CAV2: variants seen among roughly 807,000 people sequenced by gnomAD.
CAV2 encodes caveolin 2.
Under a neutral mutation model 15.5 loss-of-function variants are expected in CAV2, and 7 were observed. The ratio of observed to expected loss-of-function variants is 0.45; its 90% confidence interval spans 0.26 to 0.85. The LOEUF (loss-of-function observed/expected upper bound fraction) is 0.85, where lower values mean the gene tolerates loss of function less well. CAV2 is among the 40% of genes least tolerant of loss of function. The pLI is 0.18. For synonymous variants in CAV2, 76 were observed against 83.1 expected, an observed-to-expected ratio of 0.91 and a Z score of 0.46; for missense variants, 229 against 208.8, an observed-to-expected ratio of 1.10 and a Z score of -0.60.
In CAV2 at chr7:116,506,189, C is replaced by T. The variant is rs879584531; in HGVS notation, c.*68C>T. The T allele has an allele frequency of 1.4e-6, 2 of 1,475,296 alleles. No homozygotes were observed. Among genetic ancestry groups the T allele is most frequent in the Admixed American group, 1.8e-5 (1 of 56,778 alleles). 91.4% of individuals were successfully genotyped at this position (1,475,296 alleles called of 1,614,324 possible). ...TCTTTGTTATTATAACATAAAAGCA[C>T]CACTGTTCTGTTCATTTCCTAGCTG... On this transcript the variant is annotated 3_prime_UTR_variant, in exon 3 of 3. Transcript: ENST00000222693.
chr7:116,499,786 G>A lies in CAV2; in HGVS notation c.5G>A (p.Gly2Glu). 6.4e-7 allele frequency: 1 copy of A among 1,568,730 alleles called. No homozygotes were observed. The highest frequency in any genetic ancestry group is 8.6e-7 in the Non-Finnish European group (1 of 1,159,302). Reference protein sequence around the residue: MGLETEKADVQL... With the variant: MELETEKADVQL... ...CGGCCGCGCACCAAGGCTGCGATGGGGCTGGAGACGGAGAAGGCGGACGTA... is the reference window on the plus strand; with the variant it reads ...CGGCCGCGCACCAAGGCTGCGATGGAGCTGGAGACGGAGAAGGCGGACGTA... The change falls in exon 1 of 3, where the codon GGG becomes GAG. Residue 2 changes from glycine to glutamate, a missense_variant. Physicochemically the swap from Gly to Glu is moderately conservative, Grantham distance 98. Coordinates refer to ENST00000222693, the MANE Select transcript of CAV2 (RefSeq NM_001233.5).
intron 2 of CAV2, among the ~76,000 whole-genome samples, chr7:116,503,886 AGAGGGAGGGAGG>A (rs149766029): frequency 0.026 from 1,829 of 71,402 alleles, 95 homozygotes; most frequent in Middle Eastern, 0.08. Flanking sequence ...AGAAAGAAAG[AGAGGGAGGGAGG>A]GAGGGAGGGA....
chr7:116,508,164 A>G lies in CAV2; in HGVS notation c.*2043A>G, dbSNP rs1410393239. The G allele has an allele frequency of 6.6e-6, 1 of 152,222 alleles. No homozygotes were observed. The allele number at this position is 152,222 out of a possible 1,614,324, so 9.4% of individuals were successfully genotyped here. A position where few individuals can be genotyped will look rare whatever the true frequency, so the allele number is the denominator to read the frequency against. ...ACTTTATAGTTATGTCTTGTATTTA[A>G]AAACATTTTTTATACATTTGGTTAT... is the stretch of plus-strand genomic sequence containing the variant. On this transcript the variant is annotated 3_prime_UTR_variant, in exon 3 of 3. Coordinates refer to ENST00000222693, the MANE Select transcript of CAV2 (RefSeq NM_001233.5).
Position 116,507,277 on chromosome 7 carries a change from T to G in CAV2, c.*1156T>G, listed in dbSNP as rs1793259200. 6.6e-6 allele frequency: 1 copy of G among 152,256 alleles called. No homozygotes were observed. Among genetic ancestry groups the G allele is most frequent in the Non-Finnish European group, 1.5e-5 (1 of 68,034 alleles). The allele number at this position is 152,256 out of a possible 1,614,324, so 9.4% of individuals were successfully genotyped here. ...AACTAACAGCTACAAACTTTTAAGATTTCTCTAATATTGGTATGTAACACA... is the reference window on the plus strand; with the variant it reads ...AACTAACAGCTACAAACTTTTAAGAGTTCTCTAATATTGGTATGTAACACA... On this transcript the variant is annotated 3_prime_UTR_variant, in exon 3 of 3. Coordinates refer to ENST00000222693, the MANE Select transcript of CAV2 (RefSeq NM_001233.5).
chr7:116,503,923 A>AAGGGAGGG (rs869037328), intron 2 of CAV2, among the ~76,000 whole-genome samples: 39 of 53,304 alleles, frequency 7.3e-4, no homozygotes, highest in African/African-American at 3.1e-3. Context: ...GGAAGGAAGG[A>AAGGGAGGG]AGGGAGGGAG....
chr7:116,500,702 T>C, intron 2 of CAV2: 1 of 456,082 alleles, frequency 2.2e-6, no homozygotes, highest in Non-Finnish European at 3.9e-6. Flanking sequence ...TACATAAGGC[T>C]GGGCTGAGTG....
intron 2 of CAV2, among the ~76,000 whole-genome samples, chr7:116,501,982 G>T (rs1323907303): frequency 2.6e-5 from 4 of 152,102 alleles, no homozygotes; most frequent in Admixed American, 6.6e-5. Context: ...TAAGATTTGG[G>T]ATTCCCAATT....
intron 2 of CAV2, among the ~76,000 whole-genome samples, chr7:116,502,893 G>A (rs551840956): frequency 1.3e-5 from 2 of 152,100 alleles, no homozygotes; most frequent in Non-Finnish European, 2.9e-5. Flanking sequence ...CAGGTTATTG[G>A]TCATAAGTGG....
rs1003702324 is a variant in CAV2 at position 116,508,287 on chromosome 7, A to G, written c.*2166A>G. 1.3e-5 allele frequency: 2 copies of G among 152,228 alleles called. No individual in the cohort carries two copies. The highest frequency in any genetic ancestry group is 4.8e-5 in the African/African-American group (2 of 41,462). The allele number at this position is 152,228 out of a possible 1,614,324, so 9.4% of individuals were successfully genotyped here. A position where few individuals can be genotyped will look rare whatever the true frequency, so the allele number is the denominator to read the frequency against. On this transcript the variant is annotated 3_prime_UTR_variant, in exon 3 of 3. Coordinates refer to ENST00000222693, the MANE Select transcript of CAV2 (RefSeq NM_001233.5). ...TATTGGCAAGTTTTAAACCCAAAATATATACACATAGTTCTGTAATAAAAC... is the reference window on the plus strand; with the variant it reads ...TATTGGCAAGTTTTAAACCCAAAATGTATACACATAGTTCTGTAATAAAAC...
Position 116,500,433 on chromosome 7 carries a change from C to G in CAV2, c.324C>G (p.Ser108Arg), listed in dbSNP as rs1209006000. 2 of 1,613,234 alleles carry G rather than the reference C, an allele frequency of 1.2e-6. No homozygotes were observed. The highest frequency in any genetic ancestry group is 3.3e-5 in the Admixed American group (2 of 59,988). The change falls in exon 2 of 3, where the codon AGC becomes AGG. Residue 108 changes from serine to arginine, a missense_variant. By Grantham distance (110) the Ser-to-Arg change is moderately radical. Transcript: ENST00000222693. ...CGGGAATTCTCTTTGCCACCCTCAGCTGTCTGCACATCTGGTGAGACGGGG... is the reference window on the plus strand; with the variant it reads ...CGGGAATTCTCTTTGCCACCCTCAGGTGTCTGCACATCTGGTGAGACGGGG... Reference protein sequence around the residue: ...FIAGILFATLSCLHIWILMPF... With the variant: ...FIAGILFATLRCLHIWILMPF...
At chr7:116,502,281 T>C (rs1054206592) in intron 2 of CAV2, among the ~76,000 whole-genome samples, 4 of 152,232 alleles carry the variant, frequency 2.6e-5, no homozygotes, top group East Asian at 1.9e-4. Flanking sequence ...TGTTTTTGTA[T>C]AGTGCTTCAA....
intron 2 of CAV2, 178 bp downstream of exon 2, chr7:116,500,625 A>T (rs954303011): frequency 1.5e-4 from 90 of 601,392 alleles, no homozygotes; most frequent in Non-Finnish European, 3.2e-5. Flanking sequence ...TTAGAATAAC[A>T]GTTTGGGCTT....
chr7:116,503,237 C>T (rs1424919681), intron 2 of CAV2, among the ~76,000 whole-genome samples: 1 of 151,170 alleles, frequency 6.6e-6, no homozygotes, highest in African/African-American at 2.4e-5. Context: ...AATTTTGGGT[C>T]AATCAGAACT....
chr7:116,500,714 G>A (rs1793084064), intron 2 of CAV2: 2 of 409,190 alleles, frequency 4.9e-6, no homozygotes, highest in Non-Finnish European at 8.7e-6. Context: ...GGCTGAGTGT[G>A]GAGGCGGGTA....
rs191053363 is a variant in CAV2 at position 116,507,130 on chromosome 7, T to C, written c.*1009T>C. 2.0e-5 allele frequency: 3 copies of C among 152,796 alleles called. No individual in the cohort carries two copies. The highest frequency in any genetic ancestry group is 3.9e-4 in the East Asian group (2 of 5,186). The allele number at this position is 152,796 out of a possible 1,614,324, so 9.5% of individuals were successfully genotyped here. ...CTTTACTTTCAAGTAATATTGGTGC[T>C]ATTTAACATTTTACAGTAAATGTTA... On this transcript the variant is annotated 3_prime_UTR_variant, in exon 3 of 3. Coordinates refer to ENST00000222693, the MANE Select transcript of CAV2 (RefSeq NM_001233.5).
In CAV2 at chr7:116,505,989, A is replaced by AAAG. The variant is rs770095697; in HGVS notation, c.359_361dup (p.Lys120dup). On this transcript the variant is annotated inframe_insertion, in exon 3 of 3. Coordinates refer to ENST00000222693, the MANE Select transcript of CAV2 (RefSeq NM_001233.5). ...CTTCCAGGATTTTAATGCCTTTTGT[A>AAAG]AAGACCTGCCTAATGGTTCTGCCTT... 6.2e-7 allele frequency: 1 copy of AAAG among 1,612,468 alleles called. No individual in the cohort carries two copies. Among genetic ancestry groups the AAAG allele is most frequent in the South Asian group, 1.1e-5 (1 of 90,728 alleles).
At chr7:116,505,189 G>C (rs920284030) in intron 2 of CAV2, among the ~76,000 whole-genome samples, 1 of 152,224 alleles carries the variant, frequency 6.6e-6, no homozygotes, top group East Asian at 1.9e-4. Context: ...GAAGAAGACT[G>C]AGGCAGCAGG....
At chr7:116,503,879 A>G (rs12113209) in intron 2 of CAV2, among the ~76,000 whole-genome samples, 1 of 89,886 alleles carries the variant, frequency 1.1e-5, no homozygotes, top group African/African-American at 4.2e-5. Flanking sequence ...GAAAGAGAGA[A>G]AGAAAGAGAG....
At position 116,507,295 on chromosome 7, in the gene CAV2, G is replaced by C. The variant is rs557198900; in HGVS notation, c.*1174G>C. Reference sequence around the variant, plus strand: ...TTTAAGATTTCTCTAATATTGGTATGTAACACAGGATAAAGTTATTCTTGT... The same window carrying C: ...TTTAAGATTTCTCTAATATTGGTATCTAACACAGGATAAAGTTATTCTTGT... On this transcript the variant is annotated 3_prime_UTR_variant, in exon 3 of 3. Coordinates refer to ENST00000222693, the MANE Select transcript of CAV2 (RefSeq NM_001233.5). The C allele has an allele frequency of 2.0e-5, 3 of 152,224 alleles. No homozygotes were observed. The highest frequency in any genetic ancestry group is 7.2e-5 in the African/African-American group (3 of 41,450). 9.4% of individuals were successfully genotyped at this position (152,224 alleles called of 1,614,324 possible).
Sources: allele counts gnomAD v4.1 joint callset (sites outside exome capture counted in the v4.1 genomes callset), GRCh38; gene constraint gnomAD v4.1.1; transcripts MANE v1.5; gene names NCBI Gene and HGNC (gene_info 2026-07-23, HGNC 2026-07-21).